Variants in PLD1 observed in about 807,000 individuals in gnomAD.
The protein encoded by PLD1 is choline phosphatase 1.
PLD1 carries 112 observed loss-of-function variants against 137.1 expected under a neutral mutation model. That is an observed-to-expected ratio of 0.82 (90% CI 0.70 to 0.96). The LOEUF is 0.96. PLD1 is among the 40% of genes least tolerant of loss of function. The pLI, the probability that PLD1 is intolerant of heterozygous loss-of-function variation, is 0.00. For missense variants in PLD1, 1,321 were observed against 1,342.0 expected (o/e 0.98, Z 0.24); for synonymous variants, 431 against 454.7 (o/e 0.95, Z 0.66).
At chr3:171,788,736 G>A (rs141309398) in intron 1 of PLD1, 2 of 152,090 alleles carry the variant, frequency 1.3e-5, no homozygotes, top group Non-Finnish European at 2.9e-5. Context: ...GGTTATCTAC[G>A]TTCATAAAAA....
At chr3:171,747,904 T>G (rs1720359266) in intron 1 of PLD1, among the ~76,000 whole-genome samples, 1 of 152,194 alleles carries the variant, frequency 6.6e-6, no homozygotes, top group South Asian at 2.1e-4. Flanking sequence ...TAACTTTAGG[T>G]GGTGCTCAAC....
chr3:171,631,274 C>T (rs962586245), intron 23 of PLD1, among the ~76,000 whole-genome samples: 4 of 152,080 alleles, frequency 2.6e-5, no homozygotes, highest in Non-Finnish European at 5.9e-5. Context: ...AATCCCAAAC[C>T]TATTTTCTGT....
At position 171,737,818 on chromosome 3, in the gene PLD1, T is replaced by C. The variant is rs1330661314; in HGVS notation, c.160+74A>G. 7 of 1,485,550 alleles carry C rather than the reference T, an allele frequency of 4.7e-6. No individual in the cohort carries two copies. In the East Asian group the frequency reaches 1.6e-4, roughly 34 times the overall value. 92.0% of individuals were successfully genotyped at this position (1,485,550 alleles called of 1,614,324 possible). Reference sequence around the variant, plus strand: ...GCAAGGAAAATCAATCATTTGCTGGTTACTTCAAATTTGTGGTCTTCCGAC... The same window carrying C: ...GCAAGGAAAATCAATCATTTGCTGGCTACTTCAAATTTGTGGTCTTCCGAC... On this transcript the variant is annotated intron_variant, in intron 2 of 26. Transcript: ENST00000351298.
chr3:171,741,686 G>GT (rs1219980582), intron 1 of PLD1, among the ~76,000 whole-genome samples: 2 of 152,136 alleles, frequency 1.3e-5, no homozygotes, highest in African/African-American at 2.4e-5. Flanking sequence ...GCAAATAAGG[G>GT]TTTTTTTATT....
At chr3:171,658,165 G>C (rs746251690) in intron 21 of PLD1, among the ~76,000 whole-genome samples, 2 of 152,080 alleles carry the variant, frequency 1.3e-5, no homozygotes, top group Non-Finnish European at 2.9e-5. Context: ...CAAAGAGAGA[G>C]ATAATAATAA....
chr3:171,802,212 A>G (rs777512314), intron 1 of PLD1, among the ~76,000 whole-genome samples: 6 of 152,234 alleles, frequency 3.9e-5, no homozygotes, highest in Non-Finnish European at 5.9e-5. Flanking sequence ...ACATGTCAGG[A>G]AAGTCCCTAC....
chr3:171,622,930 C>T (rs141162437), intron 23 of PLD1, among the ~76,000 whole-genome samples: 1,734 of 151,826 alleles, frequency 0.011, 30 homozygotes, highest in African/African-American at 0.037. Context: ...ACAGACAAAG[C>T]CTCATTTAGA....
At position 171,686,535 on chromosome 3, in the gene PLD1, C is replaced by T. The variant is rs1381517842; in HGVS notation, c.1867+150G>A. The T allele has an allele frequency of 1.9e-5, 11 of 577,912 alleles. No homozygotes were observed. In the Admixed American group the frequency reaches 2.6e-4, roughly 14 times the overall value. The allele number at this position is 577,912 out of a possible 1,614,324, so 35.8% of individuals were successfully genotyped here. A position where few individuals can be genotyped will look rare whatever the true frequency, so the allele number is the denominator to read the frequency against. On this transcript the variant is annotated intron_variant, in intron 16 of 26. Transcript: ENST00000351298. ...TAGGGATCTTGGATACTACAGAATG[C>T]TTTGCACAGAGCAGGCTCTCAATAA...
intron 1 of PLD1, chr3:171,791,877 A>C (rs763319473): frequency 3.9e-5 from 6 of 152,368 alleles, no homozygotes; most frequent in African/African-American, 7.2e-5. Flanking sequence ...AATGGGCCGA[A>C]GTGTTCCCAG....
At chr3:171,660,878 G>A (rs1737613974) in intron 20 of PLD1, among the ~76,000 whole-genome samples, 1 of 152,066 alleles carries the variant, frequency 6.6e-6, no homozygotes, top group Non-Finnish European at 1.5e-5. Context: ...CAAAGTGCTG[G>A]GATTACAGGC....
At chr3:171,657,434 T>C (rs948241078) in intron 21 of PLD1, among the ~76,000 whole-genome samples, 2 of 152,206 alleles carry the variant, frequency 1.3e-5, no homozygotes, top group African/African-American at 4.8e-5. Flanking sequence ...TGACTTAAAG[T>C]AATGAAATAT....
Position 171,612,300 on chromosome 3 carries a change from C to A in PLD1, c.2861G>T (p.Gly954Val), listed in dbSNP as rs1009986191. 5 of 1,613,940 alleles carry A rather than the reference C, an allele frequency of 3.1e-6. No individual in the cohort carries two copies. In the African/African-American group the frequency reaches 6.7e-5, roughly 22 times the overall value. ...KEYQAGRFAR[G>V]LRLQCFRVVL... ...TGACCTAAAGCACTGTAGCCGAAGT[C>A]CTCGGGCAAACCGGCCAGCTTGGTA... The change falls in exon 25 of 27, where the codon GGA becomes GTA. Residue 954 changes from glycine to valine, a missense_variant. Physicochemically the swap from Gly to Val is moderately radical, Grantham distance 109 (BLOSUM62 -3). Transcript: ENST00000351298. This position sits in a 1 kb window ranked among gnomAD's most constrained non-coding sequence, Gnocchi z 4.1.
chr3:171,604,385 A>C (rs1732045870), intron 26 of PLD1, among the ~76,000 whole-genome samples: 1 of 151,902 alleles, frequency 6.6e-6, no homozygotes, highest in African/African-American at 2.4e-5. Context: ...TGTTTCATTA[A>C]GAATAATAAG....
chr3:171,725,780 G>A (rs1718459297), intron 7 of PLD1, among the ~76,000 whole-genome samples: 1 of 152,226 alleles, frequency 6.6e-6, no homozygotes, highest in African/African-American at 2.4e-5. Flanking sequence ...CCACTGTTGG[G>A]TTAGAAAGAA....
In PLD1 at chr3:171,674,591, G is replaced by C. The variant is rs1239440122; in HGVS notation, c.2138C>G (p.Ser713Cys). 6.3e-7 allele frequency: 1 copy of C among 1,589,338 alleles called. No homozygotes were observed. The highest frequency in any genetic ancestry group is 1.7e-5 in the Admixed American group (1 of 59,612). The change falls in exon 19 of 27, where the codon TCC becomes TGC. Residue 713 changes from serine (S) to cysteine (C), a missense_variant. Ser to Cys is a moderately radical substitution (Grantham distance 112, BLOSUM62 -1). Transcript: ENST00000351298. ...TGGAAGCAGAAAAGGATAAGAAAGG[G>C]ACCGATATTTTGATTTCATAATCTA... The part of the protein sequence containing the change: ...FTKIMKSKYR[S>C]LSYPFLLPKS...
chr3:171,750,532 A>G (rs561471568), intron 1 of PLD1, among the ~76,000 whole-genome samples: 1 of 152,342 alleles, frequency 6.6e-6, no homozygotes, highest in South Asian at 2.1e-4. Flanking sequence ...AAATAAATTT[A>G]CAGGTTGAAG....
chr3:171,776,280 C>T (rs1722588787), intron 1 of PLD1, among the ~76,000 whole-genome samples: 1 of 152,156 alleles, frequency 6.6e-6, no homozygotes, highest in South Asian at 2.1e-4. Context: ...AGATGAAGAG[C>T]CCCTCCCTCA....
intron 6 of PLD1, among the ~76,000 whole-genome samples, chr3:171,731,250 C>A (rs937049619): frequency 6.6e-6 from 1 of 152,068 alleles, no homozygotes; most frequent in Non-Finnish European, 1.5e-5. Flanking sequence ...TTTTTACAGA[C>A]AGTAAAGCAT....
At chr3:171,618,975 T>A (rs2108289594) in intron 24 of PLD1, among the ~76,000 whole-genome samples, 1 of 152,278 alleles carries the variant, frequency 6.6e-6, no homozygotes, top group African/African-American at 2.4e-5. Context: ...GTTTTATTCT[T>A]CTCAGATATG....
Sources: gnomAD v4.1 joint callset for allele counts (sites outside exome capture counted in the v4.1 genomes callset) on GRCh38, gnomAD v4.1.1 for gene constraint, Gnocchi (gnomAD v3.1) non-coding constraint, MANE v1.5 for transcripts, NCBI Gene and HGNC (gene_info 2026-07-23, HGNC 2026-07-21) for gene names.